The following EXOC6B variants were observed in gnomAD, a reference collection of about 807,000 sequenced individuals.
EXOC6B encodes exocyst complex component 6B, also known as SEC15 homolog B.
EXOC6B carries 54 observed loss-of-function variants against 113.5 expected under a neutral mutation model. The ratio of observed to expected loss-of-function variants is 0.48; its 90% CI spans 0.38 to 0.60. The LOEUF is 0.60. Ranked by LOEUF, EXOC6B falls within the 20% of genes least tolerant of loss-of-function variation. EXOC6B has a pLI of 0.00. For synonymous variants in EXOC6B, 357 were observed against 339.0 expected (o/e 1.05, Z -0.58); for missense variants, 797 against 977.5 (o/e 0.82, Z 2.46).
chr2:72,721,433 G>A (rs956394667), intron 5 of EXOC6B, among the ~76,000 whole-genome samples: 65 of 104,968 alleles, frequency 6.2e-4, no homozygotes, highest in Non-Finnish European at 6.4e-4. Flanking sequence ...GCCAACATAT[G>A]AAAAAAAAAA....
intron 6 of EXOC6B, among the ~76,000 whole-genome samples, chr2:72,714,775 CAA>C (rs1679500199): frequency 6.6e-6 from 1 of 152,138 alleles, no homozygotes; most frequent in Non-Finnish European, 1.5e-5. Flanking sequence ...AAGCATGAAG[CAA>C]GGGCTATGCT....
chr2:72,701,293 G>C (rs956140199), intron 6 of EXOC6B, among the ~76,000 whole-genome samples: 92 of 144,312 alleles, frequency 6.4e-4, no homozygotes, highest in African/African-American at 2.3e-3. Context: ...AGTGAGCCGA[G>C]ATCGTACCAC....
At chr2:72,672,666 G>C (rs1227845679) in intron 6 of EXOC6B, among the ~76,000 whole-genome samples, 1 of 152,004 alleles carries the variant, frequency 6.6e-6, no homozygotes. Flanking sequence ...TACATGGATA[G>C]AACCAAAGGT....
chr2:72,196,168 G>T (rs1679156422), intron 20 of EXOC6B, among the ~76,000 whole-genome samples: 2 of 152,090 alleles, frequency 1.3e-5, no homozygotes, highest in Admixed American at 1.3e-4. Flanking sequence ...AAAAACTACT[G>T]CAAATTCATA....
chr2:72,803,289 T>G (rs1685397885), intron 1 of EXOC6B, among the ~76,000 whole-genome samples: 1 of 150,736 alleles, frequency 6.6e-6, no homozygotes, highest in African/African-American at 2.5e-5. Context: ...CCAGGGCAAC[T>G]CTCTGGAAAT....
At chr2:72,654,766 C>T (rs1041430551) in intron 6 of EXOC6B, among the ~76,000 whole-genome samples, 1 of 152,072 alleles carries the variant, frequency 6.6e-6, no homozygotes, top group African/African-American at 2.4e-5. Flanking sequence ...ACAAATGTTC[C>T]ATCCACAAAA....
chr2:72,554,670 A>G (rs542610164), intron 8 of EXOC6B, among the ~76,000 whole-genome samples: 2 of 152,248 alleles, frequency 1.3e-5, no homozygotes, highest in South Asian at 2.1e-4. Context: ...TCTTTTCTTT[A>G]TAATTACCCA....
rs546140004 is a variant in EXOC6B at position 72,309,524 on chromosome 2, C to A, written c.2196+25423G>T. 4.6e-5 allele frequency among the ~76,000 whole-genome samples: 7 copies of A among 152,184 alleles called. No homozygotes were observed. In the East Asian group the frequency reaches 1.2e-3, roughly 25 times the overall value. ...TCTCTACATGCTATAAAGTCATTAC[C>A]CATGCTTATTCCAATCTCTCTAGCA... On this transcript the variant is annotated intron_variant, in intron 20 of 21. Coordinates refer to ENST00000272427, the MANE Select transcript of EXOC6B (RefSeq NM_015189.3).
intron 18 of EXOC6B, among the ~76,000 whole-genome samples, chr2:72,447,244 A>T (rs1031822127): frequency 6.6e-5 from 10 of 152,034 alleles, no homozygotes; most frequent in African/African-American, 2.2e-4. Context: ...ATTCCATTAA[A>T]CTCTGAGCTA....
intron 6 of EXOC6B, among the ~76,000 whole-genome samples, chr2:72,685,812 C>T (rs1677048265): frequency 6.6e-6 from 1 of 152,186 alleles, no homozygotes; most frequent in Admixed American, 6.5e-5. Flanking sequence ...GCAGCTTAAT[C>T]CATGCAGGAC....
At chr2:72,227,151 T>C (rs1455333848) in intron 20 of EXOC6B, among the ~76,000 whole-genome samples, 1 of 152,202 alleles carries the variant, frequency 6.6e-6, no homozygotes, top group Non-Finnish European at 1.5e-5. Flanking sequence ...AGCAATGATC[T>C]AAATTCATCA....
intron 8 of EXOC6B, chr2:72,515,443 T>G (rs932581023): frequency 9.0e-7 from 1 of 1,110,736 alleles, no homozygotes; most frequent in African/African-American, 1.6e-5. Context: ...AACCTTTCCA[T>G]AAGTTATGAT....
chr2:72,562,639 T>C (rs1703949016), intron 7 of EXOC6B, among the ~76,000 whole-genome samples: 1 of 152,184 alleles, frequency 6.6e-6, no homozygotes, highest in South Asian at 2.1e-4. Flanking sequence ...CCTTGCATTT[T>C]ACACATGTCC....
chr2:72,518,483 G>GGTGTGTGT (rs138382972), intron 8 of EXOC6B, among the ~76,000 whole-genome samples: 133 of 143,478 alleles, frequency 9.3e-4, no homozygotes, highest in African/African-American at 3.2e-3. Context: ...ATTAAAGTAG[G>GGTGTGTGT]GTGTGTGTGT....
intron 19 of EXOC6B, among the ~76,000 whole-genome samples, chr2:72,349,696 C>A (rs114567234): frequency 0.013 from 1,965 of 152,224 alleles, 53 homozygotes; most frequent in African/African-American, 0.045. Flanking sequence ...GTGTCTCTTC[C>A]ATTTGGTTGT....
chr2:72,450,530 T>C (rs183482071), intron 18 of EXOC6B, among the ~76,000 whole-genome samples: 299 of 152,226 alleles, frequency 2.0e-3, no homozygotes, highest in African/African-American at 6.9e-3. Flanking sequence ...ATAAGACAAG[T>C]AGATATTCAT....
intron 8 of EXOC6B, among the ~76,000 whole-genome samples, chr2:72,549,127 T>C (rs1169684678): frequency 6.6e-6 from 1 of 152,154 alleles, no homozygotes; most frequent in Admixed American, 6.5e-5. Context: ...GGAAGCATTT[T>C]AGTATCATTA....
chr2:72,251,884 T>C (rs1280689370), intron 20 of EXOC6B, among the ~76,000 whole-genome samples: 1 of 152,200 alleles, frequency 6.6e-6, no homozygotes, highest in Non-Finnish European at 1.5e-5. Context: ...TAGTTTAGTT[T>C]ACACAATTTT....
At chr2:72,369,626 AG>A (rs1401879484) in intron 19 of EXOC6B, among the ~76,000 whole-genome samples, 1 of 152,224 alleles carries the variant, frequency 6.6e-6, no homozygotes, top group Non-Finnish European at 1.5e-5. Flanking sequence ...ACAAGGCTAT[AG>A]TAACCAAAAC....
Sources: allele counts gnomAD v4.1 joint callset (sites outside exome capture counted in the v4.1 genomes callset), GRCh38; gene constraint gnomAD v4.1.1; transcripts MANE v1.5; gene names NCBI Gene and HGNC (gene_info 2026-07-23, HGNC 2026-07-21).